The following UNC5B variants were observed in gnomAD, a reference collection of about 807,000 sequenced individuals.
UNC5B encodes unc-5 netrin receptor B.
UNC5B carries 56 observed loss-of-function variants against 103.7 expected under a neutral mutation model. The observed-to-expected ratio is 0.54, with a 90% CI of 0.44 to 0.67. The LOEUF (loss-of-function observed/expected upper bound fraction) is 0.67. Among genes scored for constraint, UNC5B ranks in the 30% least tolerant of loss-of-function variants. The pLI is 0.00. For missense variants in UNC5B, 1,194 were observed against 1,284.5 expected (o/e 0.93, Z 1.08); for synonymous variants, 577 against 542.0 (o/e 1.06, Z -0.90).
rs1844870214 is a variant in UNC5B at position 71,279,810 on chromosome 10, T to C, written c.80-11T>C. ...CACACAGCCTCATGGAGGTCTCCAC[T>C]CACTCTGCAGGCACTGATTCTGGCA... On this transcript the variant is annotated splice_polypyrimidine_tract_variant and intron_variant, in intron 1 of 16. Transcript: ENST00000335350. The C allele has an allele frequency of 6.2e-7, 1 of 1,610,808 alleles. No homozygotes were observed. Among genetic ancestry groups the C allele is most frequent in the African/African-American group, 1.3e-5 (1 of 74,844 alleles).
At position 71,302,195 on chromosome 10, in the gene UNC5B, G is replaced by A. The variant is rs1589213310; in HGVS notation, c.*2918G>A. The A allele has an allele frequency of 6.6e-6, 1 of 152,388 alleles. No homozygotes were observed. The highest frequency in any genetic ancestry group is 1.9e-4 in the East Asian group (1 of 5,180). 9.4% of individuals were successfully genotyped at this position (152,388 alleles called of 1,614,324 possible). ...TAGCCCCCGAGGGCATGTACCTGGT[G>A]GGAAGCAGCTCAGGTACCCTTGGGG... On this transcript the variant is annotated 3_prime_UTR_variant, in exon 17 of 17. Transcript: ENST00000335350.
intron 8 of UNC5B, among the ~76,000 whole-genome samples, 177 bp from the exon 9 acceptor site, chr10:71,290,737 CG>C: frequency 6.6e-6 from 1 of 152,290 alleles, no homozygotes; most frequent in South Asian, 2.1e-4. Flanking sequence ...CCCATTTTAC[CG>C]ATAGAGAGGT....
intron 1 of UNC5B, among the ~76,000 whole-genome samples, chr10:71,224,560 C>T (rs1484114857): frequency 6.6e-6 from 1 of 152,224 alleles, no homozygotes; most frequent in Non-Finnish European, 1.5e-5. Flanking sequence ...TTTTCCCTCT[C>T]TGAGCTTCCT....
chr10:71,229,375 G>A (rs1484190583), intron 1 of UNC5B, among the ~76,000 whole-genome samples: 7 of 152,206 alleles, frequency 4.6e-5, no homozygotes, highest in Non-Finnish European at 8.8e-5. Flanking sequence ...CATGATTGCC[G>A]GAAGGTCCTG....
intron 2 of UNC5B, among the ~76,000 whole-genome samples, chr10:71,282,975 C>A (rs553035395): frequency 6.6e-6 from 1 of 152,174 alleles, no homozygotes; most frequent in African/African-American, 2.4e-5. Flanking sequence ...AAAAAATTAG[C>A]CAGGCGTGGT....
chr10:71,287,630 T>G lies in UNC5B; in HGVS notation c.766T>G (p.Ser256Ala). 2.5e-6 allele frequency: 4 copies of G among 1,608,446 alleles called. No individual in the cohort carries two copies. Among genetic ancestry groups the G allele is most frequent in the Non-Finnish European group, 3.4e-6 (4 of 1,177,706 alleles). Residue 256 changes from serine (S) to alanine (A), a missense_variant, in exon 6 of 17, where the codon TCA becomes GCA. Physicochemically the swap from Ser to Ala is moderately conservative, Grantham distance 99. Transcript: ENST00000335350. ...CGGCTGGTCCAGCTGGGCAGAGTGG[T>G]CACCCTGCTCCAACCGCTGTGGCCG... ...NGGWSSWAEW[S>A]PCSNRCGRGW... is the part of the protein sequence containing the mutation.
intron 1 of UNC5B, among the ~76,000 whole-genome samples, chr10:71,246,690 C>T (rs768789610): frequency 1.4e-4 from 22 of 152,058 alleles, no homozygotes; most frequent in African/African-American, 5.1e-4. Context: ...ATCACCCCAG[C>T]GCTCCACATC....
intron 1 of UNC5B, among the ~76,000 whole-genome samples, chr10:71,224,365 A>ACGCG (rs5786028): frequency 3.9e-3 from 114 of 29,164 alleles, no homozygotes; most frequent in South Asian, 5.1e-3. Context: ...CTGTATGTAG[A>ACGCG]CACACACACA....
intron 6 of UNC5B, 53 bp downstream of exon 6, chr10:71,287,818 G>A (rs1589196020): frequency 1.9e-6 from 3 of 1,578,542 alleles, no homozygotes; most frequent in East Asian, 2.4e-5. Context: ...CCCACCTTCT[G>A]TTTTGTGTGC....
chr10:71,284,511 T>A (rs10999761), intron 2 of UNC5B, among the ~76,000 whole-genome samples: 36,420 of 152,034 alleles, frequency 0.24, 5,326 homozygotes, highest in African/African-American at 0.41. Flanking sequence ...GATGCATTGG[T>A]GGGGCAGAGG....
At chr10:71,240,743 A>G (rs1446421345) in intron 1 of UNC5B, among the ~76,000 whole-genome samples, 1 of 152,254 alleles carries the variant, frequency 6.6e-6, no homozygotes, top group Non-Finnish European at 1.5e-5. Flanking sequence ...CAGGAACAGC[A>G]GAGGCGTAGC....
intron 1 of UNC5B, among the ~76,000 whole-genome samples, chr10:71,235,463 G>A (rs540817783): frequency 6.4e-4 from 98 of 152,362 alleles, no homozygotes; most frequent in African/African-American, 2.1e-3. Flanking sequence ...TTGTGCCAGC[G>A]TGGGCTGGGA....
chr10:71,295,154 G>A (rs1845374351), intron 13 of UNC5B, among the ~76,000 whole-genome samples: 1 of 152,202 alleles, frequency 6.6e-6, no homozygotes, highest in Non-Finnish European at 1.5e-5. Context: ...TCCCCTGCTG[G>A]GAGGACCCTG....
chr10:71,270,069 G>A (rs1226742729), intron 1 of UNC5B, among the ~76,000 whole-genome samples: 1 of 152,160 alleles, frequency 6.6e-6, no homozygotes, highest in Non-Finnish European at 1.5e-5. Flanking sequence ...AGGTGAGTTG[G>A]CCGGGTGCAG....
intron 15 of UNC5B, among the ~76,000 whole-genome samples, chr10:71,297,380 A>T (rs1466655364): frequency 1.3e-5 from 2 of 152,240 alleles, no homozygotes; most frequent in African/African-American, 4.8e-5. Context: ...ACTGGATTCG[A>T]ACCCAGGTTG....
intron 1 of UNC5B, among the ~76,000 whole-genome samples, chr10:71,220,559 T>C (rs755114896): frequency 6.6e-6 from 1 of 152,234 alleles, no homozygotes; most frequent in Non-Finnish European, 1.5e-5. Flanking sequence ...CTCCCAGCAT[T>C]GTCACTGACT....
At chr10:71,249,151 A>G (rs1844117243) in intron 1 of UNC5B, among the ~76,000 whole-genome samples, 1 of 152,126 alleles carries the variant, frequency 6.6e-6, no homozygotes, top group Admixed American at 6.5e-5. Flanking sequence ...GGTTGAACGC[A>G]CTCATGAGAA....
chr10:71,213,728 AGTGTGT>A lies in UNC5B; in HGVS notation c.79+693_79+698del, dbSNP rs58235566. Among the ~76,000 whole-genome samples, 340 of 131,468 alleles carry A rather than the reference AGTGTGT, an allele frequency of 2.6e-3. 1 individual carries two copies. The highest frequency in any genetic ancestry group is 8.7e-3 in the African/African-American group (299 of 34,256). 86.2% of individuals were successfully genotyped at this position (131,468 alleles called of 152,430 possible). On this transcript the variant is annotated intron_variant, in intron 1 of 16. Coordinates refer to ENST00000335350, the MANE Select transcript of UNC5B (RefSeq NM_170744.5). This position sits in a 1 kb window ranked among gnomAD's most constrained non-coding sequence, Gnocchi z 4.1. The stretch of plus-strand genomic sequence containing the variant: ...ATTATTAATTTTCTGAGTGTTGGAG[AGTGTGT>A]GTGTGTGTGTGTGTGTGTGTGTGTG...
Position 71,299,168 on chromosome 10 carries a change from G to C in UNC5B, c.2729G>C (p.Trp910Ser). Residue 910 changes from tryptophan to serine, a missense_variant, in exon 17 of 17, where the codon TGG (tryptophan) becomes TCG (serine). Coordinates refer to ENST00000335350, the MANE Select transcript of UNC5B (RefSeq NM_170744.5). ...ASPTGVILDL[W>S]EALQQDDGDL... ...CCCACGGGTGTGATCCTGGACCTCTGGGAAGCTCTGCAGCAGGACGATGGG... is the reference window on the plus strand; with the variant it reads ...CCCACGGGTGTGATCCTGGACCTCTCGGAAGCTCTGCAGCAGGACGATGGG... The C allele has an allele frequency of 6.2e-7, 1 of 1,614,242 alleles. No homozygotes were observed. The highest frequency in any genetic ancestry group is 8.5e-7 in the Non-Finnish European group (1 of 1,180,048).
Sources: gnomAD v4.1 joint callset for allele counts (sites outside exome capture counted in the v4.1 genomes callset) on GRCh38, gnomAD v4.1.1 for gene constraint, Gnocchi (gnomAD v3.1) non-coding constraint, MANE v1.5 for transcripts, NCBI Gene and HGNC (gene_info 2026-07-23, HGNC 2026-07-21) for gene names.